The following SNTG1 variants were observed in gnomAD, a reference collection of about 807,000 sequenced individuals.
SNTG1 encodes syntrophin gamma 1, also known as gamma-1-syntrophin.
A neutral mutation model predicts 74.7 loss-of-function variants in SNTG1; 39 were observed. That is an observed-to-expected ratio of 0.52 (90% CI 0.40 to 0.68). The LOEUF (loss-of-function observed/expected upper bound fraction) is 0.68, where lower values mean the gene tolerates loss of function less well. Ranked by LOEUF, SNTG1 falls within the 30% of genes least tolerant of loss-of-function variation. SNTG1 has a pLI of 0.00. For synonymous variants in SNTG1, 254 were observed against 217.1 expected (o/e 1.17, Z -1.49); for missense variants, 685 against 609.5 (o/e 1.12, Z -1.30).
rs919977033 is a variant in SNTG1 at position 50,695,954 on chromosome 8, A to G, written c.1039-8646A>G. ...TGAGTGCAGGTCATGTTTTGATAAAATGATTTCTTTTCCTTTGGATATATA... is the reference window on the plus strand; with the variant it reads ...TGAGTGCAGGTCATGTTTTGATAAAGTGATTTCTTTTCCTTTGGATATATA... On this transcript the variant is annotated intron_variant, in intron 15 of 18. Transcript: ENST00000642720. Among the ~76,000 whole-genome samples, 4 of 151,906 alleles carry G rather than the reference A, an allele frequency of 2.6e-5. No homozygotes were observed. In the South Asian group the frequency reaches 8.3e-4, roughly 31 times the overall value.
At chr8:50,698,280 G>A (rs1231121921) in intron 15 of SNTG1, among the ~76,000 whole-genome samples, 3 of 152,150 alleles carry the variant, frequency 2.0e-5, no homozygotes, top group East Asian at 3.9e-4. Context: ...TTGGCCAAGA[G>A]GAGTGAGATG....
chr8:50,166,983 A>G (rs11775856), intron 1 of SNTG1, among the ~76,000 whole-genome samples: 54,804 of 138,078 alleles, frequency 0.4, 14,129 homozygotes, highest in African/African-American at 0.75. Context: ...GGACATGGAT[A>G]AAATTGGAAA....
At chr8:50,697,116 C>T (rs1231621798) in intron 15 of SNTG1, among the ~76,000 whole-genome samples, 1 of 151,928 alleles carries the variant, frequency 6.6e-6, no homozygotes. Context: ...ACTATAATTT[C>T]TTTTATCAGT....
At chr8:50,093,260 C>G (rs1286078593) in intron 1 of SNTG1, among the ~76,000 whole-genome samples, 1 of 151,982 alleles carries the variant, frequency 6.6e-6, no homozygotes, top group Non-Finnish European at 1.5e-5. Flanking sequence ...AGGCCTGGGA[C>G]CATATATTTT....
intron 2 of SNTG1, among the ~76,000 whole-genome samples, chr8:50,232,919 A>C (rs2085702485): frequency 6.6e-6 from 1 of 151,586 alleles, no homozygotes; most frequent in African/African-American, 2.4e-5. Flanking sequence ...TGGTGAAATA[A>C]ATAAAAATGT....
At chr8:50,261,145 T>A (rs1465383226) in intron 2 of SNTG1, among the ~76,000 whole-genome samples, 1 of 151,888 alleles carries the variant, frequency 6.6e-6, no homozygotes, top group Non-Finnish European at 1.5e-5. Context: ...CAAAAAAACA[T>A]GAAAAAGTGA....
intron 1 of SNTG1, among the ~76,000 whole-genome samples, chr8:50,037,717 A>G (rs1000674545): frequency 1.3e-5 from 2 of 152,238 alleles, no homozygotes; most frequent in African/African-American, 4.8e-5. Context: ...GTCAAGTTAC[A>G]AACATTGGGC....
chr8:50,148,627 A>C (rs2081956380), intron 1 of SNTG1, among the ~76,000 whole-genome samples: 1 of 151,808 alleles, frequency 6.6e-6, no homozygotes. Flanking sequence ...TTCAATTCCC[A>C]CCTATGAGTG....
intron 15 of SNTG1, among the ~76,000 whole-genome samples, chr8:50,688,787 T>C (rs1012826882): frequency 6.6e-6 from 1 of 152,082 alleles, no homozygotes; most frequent in Non-Finnish European, 1.5e-5. Context: ...TTTCCAATTC[T>C]GTGAAGAAAG....
intron 13 of SNTG1, among the ~76,000 whole-genome samples, chr8:50,647,440 A>G (rs2095116518): frequency 6.6e-6 from 1 of 150,758 alleles, no homozygotes; most frequent in Non-Finnish European, 1.5e-5. Flanking sequence ...ACACACACAC[A>G]TATATATATA....
intron 13 of SNTG1, among the ~76,000 whole-genome samples, chr8:50,633,841 A>G (rs1237162795): frequency 2.6e-5 from 4 of 152,192 alleles, no homozygotes; most frequent in African/African-American, 9.7e-5. Context: ...AGGAGAGGCT[A>G]ATGGGACATT....
chr8:50,600,944 C>A (rs2094769055), intron 13 of SNTG1, among the ~76,000 whole-genome samples: 1 of 150,934 alleles, frequency 6.6e-6, no homozygotes, highest in South Asian at 2.1e-4. Flanking sequence ...CCAAGGTGGG[C>A]AGATTATGAG....
intron 2 of SNTG1, among the ~76,000 whole-genome samples, chr8:50,303,942 A>G (rs1048886360): frequency 4.8e-5 from 5 of 103,322 alleles, no homozygotes; most frequent in African/African-American, 7.7e-5. Context: ...GTACAGTAGA[A>G]TGCTGCAAAT....
chr8:50,750,925 T>C (rs2095565860), intron 17 of SNTG1, among the ~76,000 whole-genome samples: 1 of 151,988 alleles, frequency 6.6e-6, no homozygotes, highest in African/African-American at 2.4e-5. Flanking sequence ...GGTATGCCCG[T>C]ATATGCTTTT....
intron 2 of SNTG1, among the ~76,000 whole-genome samples, chr8:50,257,765 G>A (rs2086957975): frequency 6.6e-6 from 1 of 152,190 alleles, no homozygotes; most frequent in South Asian, 2.1e-4. Flanking sequence ...CTTCAGTTAA[G>A]AGCAAGCTCA....
chr8:50,012,508 C>T (rs373332126), intron 1 of SNTG1, among the ~76,000 whole-genome samples: 1 of 152,168 alleles, frequency 6.6e-6, no homozygotes, highest in South Asian at 2.1e-4. Context: ...TTTCCAAAGG[C>T]TCTGAGGTTA....
At chr8:50,455,481 A>G (rs1050303794) in intron 8 of SNTG1, among the ~76,000 whole-genome samples, 6 of 152,342 alleles carry the variant, frequency 3.9e-5, no homozygotes, top group African/African-American at 1.4e-4. Flanking sequence ...ACATAATTCT[A>G]AAAGAACAGA....
chr8:50,282,537 G>C (rs2088526890), intron 2 of SNTG1, among the ~76,000 whole-genome samples: 1 of 152,064 alleles, frequency 6.6e-6, no homozygotes, highest in Non-Finnish European at 1.5e-5. Context: ...TTTCCCCCAA[G>C]GGTCTCTGTT....
Position 50,203,564 on chromosome 8 carries a change from C to T in SNTG1, c.-28+30929C>T, listed in dbSNP as rs932601529. Among the ~76,000 whole-genome samples, 52 of 152,042 alleles carry T rather than the reference C, an allele frequency of 3.4e-4. 1 individual carries two copies. Among genetic ancestry groups the T allele is most frequent in the African/African-American group, 1.2e-3 (49 of 41,466 alleles). On this transcript the variant is annotated intron_variant, in intron 2 of 18. Coordinates refer to ENST00000642720, the MANE Select transcript of SNTG1 (RefSeq NM_018967.5). ...TGTATTTTTTTTAATAGCAGCATTT[C>T]GGCTCCTTACTTAGTGGTTGTTCTT...
Sources: allele counts gnomAD v4.1 joint callset (sites outside exome capture counted in the v4.1 genomes callset), GRCh38; gene constraint gnomAD v4.1.1; transcripts MANE v1.5; gene names NCBI Gene and HGNC (gene_info 2026-07-23, HGNC 2026-07-21).